Variants in TMEM117 observed in about 807,000 individuals in gnomAD.
TMEM117 encodes transmembrane protein 117.
A neutral mutation model predicts 52.4 loss-of-function variants in TMEM117; 27 were observed. The observed-to-expected ratio is 0.51, with a 90% CI of 0.38 to 0.71. The LOEUF is 0.71. TMEM117 is among the 30% of genes least tolerant of loss of function. The pLI is 0.00. For missense variants in TMEM117, 556 were observed against 630.5 expected (o/e 0.88, Z 1.26); for synonymous variants, 215 against 206.3 (o/e 1.04, Z -0.36).
At chr12:43,954,212 A>G (rs1252352448) in intron 3 of TMEM117, among the ~76,000 whole-genome samples, 1 of 152,232 alleles carries the variant, frequency 6.6e-6, no homozygotes, top group Admixed American at 6.5e-5. Flanking sequence ...AAAGATCTCA[A>G]ATTGACACCC....
chr12:43,816,591 G>C, the TMEM117 span, among the ~76,000 whole-genome samples: 9 of 152,234 alleles, frequency 5.9e-5, no homozygotes, highest in African/African-American at 2.2e-4. Context: ...AGATGGTCGA[G>C]TAGCTGGCAG....
At chr12:44,286,383 GA>G (rs1047186715) in intron 5 of TMEM117, among the ~76,000 whole-genome samples, 7 of 151,502 alleles carry the variant, frequency 4.6e-5, no homozygotes, top group African/African-American at 1.2e-4. Context: ...ATTTTTGATA[GA>G]AAAAAATCGT....
At chr12:43,995,270 A>C (rs1016496903) in intron 3 of TMEM117, among the ~76,000 whole-genome samples, 3 of 151,890 alleles carry the variant, frequency 2.0e-5, no homozygotes, top group African/African-American at 7.3e-5. Context: ...AAAAAAAAAA[A>C]AGGAAATTAA....
intron 2 of TMEM117, among the ~76,000 whole-genome samples, chr12:43,845,459 T>G (rs574401526): frequency 0.032 from 1,340 of 41,882 alleles, 43 homozygotes; most frequent in African/African-American, 0.25. Context: ...CGACTCCATC[T>G]CAAAAAAAAA....
intron 6 of TMEM117, among the ~76,000 whole-genome samples, chr12:44,330,009 GGGGTTTTTTT>G (rs756277268): frequency 7.9e-5 from 12 of 151,968 alleles, no homozygotes; most frequent in Non-Finnish European, 1.5e-4. Flanking sequence ...CCTACTTTCA[GGGGTTTTTTT>G]GGAAATATAC....
intron 5 of TMEM117, among the ~76,000 whole-genome samples, chr12:44,241,837 T>C (rs1381105738): frequency 3.9e-5 from 6 of 152,012 alleles, no homozygotes; most frequent in Admixed American, 3.9e-4. Flanking sequence ...TATAGATCCA[T>C]TTTTAAAAAT....
chr12:43,918,285 T>G (rs529746985), intron 2 of TMEM117, among the ~76,000 whole-genome samples: 59 of 152,362 alleles, frequency 3.9e-4, no homozygotes, highest in African/African-American at 1.4e-3. Flanking sequence ...TGGTCTAGTC[T>G]GATTAAAGTT....
chr12:43,915,758 GA>G (rs1944591081), intron 2 of TMEM117, among the ~76,000 whole-genome samples: 2 of 152,006 alleles, frequency 1.3e-5, no homozygotes, highest in East Asian at 1.9e-4. Flanking sequence ...GAAAAAGAAA[GA>G]AAGAAAGAGG....
At chr12:44,259,448 C>T (rs1053326407) in intron 5 of TMEM117, among the ~76,000 whole-genome samples, 5 of 152,102 alleles carry the variant, frequency 3.3e-5, no homozygotes, top group Non-Finnish European at 5.9e-5. Context: ...GGTCTCACTG[C>T]GCAAATACTT....
At chr12:44,395,084 G>A in the TMEM117 span, among the ~76,000 whole-genome samples, 10 of 152,316 alleles carry the variant, frequency 6.6e-5, no homozygotes, top group Admixed American at 2.0e-4. Flanking sequence ...GAAACAAAAT[G>A]TGTAAGATGA....
intron 1 of TMEM117, among the ~76,000 whole-genome samples, 174 bp downstream of exon 1, chr12:43,836,370 C>T (rs1023796099): frequency 3.3e-5 from 5 of 152,206 alleles, no homozygotes; most frequent in Admixed American, 6.5e-5. Context: ...CGCCTCTGCT[C>T]CTGCCTTCCT....
At chr12:44,183,008 C>G (rs535533766) in intron 4 of TMEM117, among the ~76,000 whole-genome samples, 1 of 152,140 alleles carries the variant, frequency 6.6e-6, no homozygotes, top group East Asian at 1.9e-4. Flanking sequence ...TCATTATAAT[C>G]ATTTATAAGC....
At chr12:44,385,818 T>C (rs1952080469) in intron 7 of TMEM117, among the ~76,000 whole-genome samples, 1 of 152,114 alleles carries the variant, frequency 6.6e-6, no homozygotes, top group African/African-American at 2.4e-5. Context: ...GATAAGAATC[T>C]CTGAACTTTT....
intron 3 of TMEM117, among the ~76,000 whole-genome samples, chr12:43,975,830 C>G (rs886995210): frequency 6.6e-6 from 1 of 152,128 alleles, no homozygotes; most frequent in Non-Finnish European, 1.5e-5. Context: ...ATTCATTATG[C>G]TGGACTAAAA....
At chr12:44,274,332 A>G (rs1350580295) in intron 5 of TMEM117, among the ~76,000 whole-genome samples, 1 of 152,168 alleles carries the variant, frequency 6.6e-6, no homozygotes, top group African/African-American at 2.4e-5. Context: ...AAGAGAGTCC[A>G]TGTTTATGGA....
At chr12:43,849,031 G>A (rs1943260897) in intron 2 of TMEM117, among the ~76,000 whole-genome samples, 1 of 152,202 alleles carries the variant, frequency 6.6e-6, no homozygotes, top group Non-Finnish European at 1.5e-5. Context: ...TTCCCAAGTA[G>A]GGTGTGGTCT....
At chr12:43,797,516 T>C in the TMEM117 span, 4 of 1,413,402 alleles carry the variant, frequency 2.8e-6, no homozygotes, top group East Asian at 2.4e-5. Context: ...TTAAAACATA[T>C]AATAAAAAGA....
chr12:43,969,203 C>T (rs1462685171), intron 3 of TMEM117, among the ~76,000 whole-genome samples: 1 of 151,512 alleles, frequency 6.6e-6, no homozygotes, highest in Non-Finnish European at 1.5e-5. Context: ...GTGTACAGTA[C>T]AGATTTATCA....
intron 4 of TMEM117, among the ~76,000 whole-genome samples, chr12:44,206,667 A>G (rs527509983): frequency 6.6e-6 from 1 of 152,344 alleles, no homozygotes; most frequent in Non-Finnish European, 1.5e-5. Context: ...TTGCAGCAAC[A>G]TGGATGCAGC....
Sources: gnomAD v4.1 joint callset for allele counts (sites outside exome capture counted in the v4.1 genomes callset) on GRCh38, gnomAD v4.1.1 for gene constraint, MANE v1.5 for transcripts, NCBI Gene and HGNC (gene_info 2026-07-23, HGNC 2026-07-21) for gene names.